The following NIN variants were observed in gnomAD, a reference collection of about 807,000 sequenced individuals.
NIN encodes the protein ninein.
A neutral mutation model predicts 257.6 loss-of-function variants in NIN; 137 were observed. The ratio of observed to expected loss-of-function variants is 0.53; its 90% CI spans 0.46 to 0.61. The LOEUF (loss-of-function observed/expected upper bound fraction) is 0.61, where lower values mean the gene tolerates loss of function less well. NIN is among the 20% of genes least tolerant of loss of function. NIN has a pLI of 0.00. For synonymous variants in NIN, 918 were observed against 919.8 expected (o/e 1.00, Z 0.04); for missense variants, 2,439 against 2,501.2 (o/e 0.98, Z 0.53).
At chr14:50,749,545 G>A (rs1397015497) in intron 21 of NIN, among the ~76,000 whole-genome samples, 1 of 152,082 alleles carries the variant, frequency 6.6e-6, no homozygotes, top group East Asian at 1.9e-4. Flanking sequence ...ATCTATCAGT[G>A]CATTTTGTCT....
chr14:50,813,386 C>T (rs560700681), intron 3 of NIN, among the ~76,000 whole-genome samples: 54 of 152,270 alleles, frequency 3.5e-4, no homozygotes, highest in African/African-American at 8.9e-4. Context: ...TATGCCTCAA[C>T]GGGCAGTTTG....
intron 24 of NIN, chr14:50,741,950 G>A (rs867813701): frequency 2.1e-6 from 1 of 465,318 alleles, no homozygotes; most frequent in South Asian, 4.5e-5. Context: ...CTGGAGCAAG[G>A]TATTGCTGAT....
intron 2 of NIN, among the ~76,000 whole-genome samples, chr14:50,824,197 C>T (rs143424482): frequency 3.9e-5 from 6 of 152,190 alleles, no homozygotes; most frequent in East Asian, 3.9e-4. Flanking sequence ...TTTTAAGGGG[C>T]GGGGATTTGT....
chr14:50,762,193 G>C (rs1247425203), intron 15 of NIN, among the ~76,000 whole-genome samples: 1 of 152,122 alleles, frequency 6.6e-6, no homozygotes, highest in Non-Finnish European at 1.5e-5. Context: ...GGGGCGGCGG[G>C]GGTGGAAATT....
At position 50,758,540 on chromosome 14, in the gene NIN, T is replaced by G; in HGVS notation, c.2490A>C (p.Glu830Asp). ...SDCQKVTERCESALQSLEGRY... is the reference protein window; with the variant it reads ...SDCQKVTERCDSALQSLEGRY... ...GCCCCTCCAGGCTTTGCAGAGCGCT[T>G]TCACACCTCTCAGTGACTTTCTGAC... Residue 830 changes from glutamate to aspartate, a missense_variant, in exon 18 of 31, where the codon GAA becomes GAC. This residue lies in a region of NIN where 2,043 missense variants were observed against 2,050.2 expected (regional missense o/e 1.00). Transcript: ENST00000530997. The G allele has an allele frequency of 6.2e-7, 1 of 1,614,020 alleles. No homozygotes were observed. Among genetic ancestry groups the G allele is most frequent in the Non-Finnish European group, 8.5e-7 (1 of 1,179,944 alleles).
chr14:50,758,070 A>C lies in NIN; in HGVS notation c.2960T>G (p.Leu987Arg). 6.2e-7 allele frequency: 1 copy of C among 1,614,150 alleles called. No individual in the cohort carries two copies. Among genetic ancestry groups the C allele is most frequent in the Non-Finnish European group, 8.5e-7 (1 of 1,180,028 alleles). ...TTTGTGAATGTTCTCCATGGCTAGA[A>C]GCTTGGACATCATTTCCTGCCTTTC... ...DQERQEMMSK[L>R]LAMENIHKAT... The change falls in exon 18 of 31, where the codon CTT (leucine) becomes CGT (arginine). Residue 987 changes from leucine (L) to arginine (R), a missense_variant. Leu to Arg is a moderately radical substitution (Grantham distance 102). Coordinates refer to ENST00000530997, the MANE Select transcript of NIN (RefSeq NM_020921.4).
In NIN at chr14:50,739,332, G is replaced by A. The variant is rs912520445; in HGVS notation, c.5604C>T (p.Ala1868=). The A allele has an allele frequency of 5.6e-6, 9 of 1,613,940 alleles. No homozygotes were observed. The highest frequency in any genetic ancestry group is 2.7e-5 in the African/African-American group (2 of 74,898). ...RLQTMVQNTK[A]ELTHSREKVR... is the part of the protein sequence containing the mutation. ...CCTTCTCCCGGGAGTGCGTGAGTTCGGCTTTGGTGTTCTGTACCATGGTCT... is the reference window on the plus strand; with the variant it reads ...CCTTCTCCCGGGAGTGCGTGAGTTCAGCTTTGGTGTTCTGTACCATGGTCT... The change falls in exon 26 of 31, where the codon GCC becomes GCT. Residue 1868 remains alanine (A), a synonymous_variant. Coordinates refer to ENST00000530997, the MANE Select transcript of NIN (RefSeq NM_020921.4).
intron 4 of NIN, among the ~76,000 whole-genome samples, chr14:50,797,516 T>G (rs913841787): frequency 1.3e-5 from 2 of 152,142 alleles, no homozygotes; most frequent in Non-Finnish European, 2.9e-5. Context: ...ATGAAGCATG[T>G]GCAAACCTCA....
intron 28 of NIN, chr14:50,731,080 T>C: frequency 2.2e-6 from 1 of 456,746 alleles, no homozygotes. Flanking sequence ...ACAGTACTAA[T>C]TAGGTCTATT....
chr14:50,794,884 C>G (rs563652231), intron 4 of NIN, among the ~76,000 whole-genome samples: 1 of 152,098 alleles, frequency 6.6e-6, no homozygotes, highest in Admixed American at 6.5e-5. Flanking sequence ...CACTACCCCA[C>G]GTAGTGCATA....
chr14:50,762,617 T>C (rs768280740), intron 15 of NIN, among the ~76,000 whole-genome samples: 2 of 152,216 alleles, frequency 1.3e-5, no homozygotes. Flanking sequence ...AACTCATGCA[T>C]GAGCTCATCT....
intron 4 of NIN, among the ~76,000 whole-genome samples, chr14:50,795,010 A>G (rs186928268): frequency 2.4e-4 from 36 of 152,330 alleles, no homozygotes; most frequent in Non-Finnish European, 4.6e-4. Context: ...TTATTTTTGC[A>G]TTGCCAGGCA....
At chr14:50,787,256 G>A (rs1285693956) in intron 5 of NIN, among the ~76,000 whole-genome samples, 2 of 152,216 alleles carry the variant, frequency 1.3e-5, no homozygotes, top group Non-Finnish European at 1.5e-5. Flanking sequence ...AACCAGGGCA[G>A]AAAGCAAAGT....
At chr14:50,726,661 C>T (rs1007636246) in intron 29 of NIN, among the ~76,000 whole-genome samples, 10 of 152,164 alleles carry the variant, frequency 6.6e-5, no homozygotes, top group African/African-American at 9.7e-5. Context: ...GATGGGTTTA[C>T]TATCAGAGCA....
Position 50,760,191 on chromosome 14 carries a change from C to T in NIN, c.2065G>A (p.Ala689Thr). 1 of 1,614,034 alleles carries T rather than the reference C, an allele frequency of 6.2e-7. No homozygotes were observed. The highest frequency in any genetic ancestry group is 8.5e-7 in the Non-Finnish European group (1 of 1,180,040). Residue 689 changes from alanine to threonine, a missense_variant, in exon 17 of 31, where the codon GCA (alanine) becomes ACA (threonine). Physicochemically the swap from Ala to Thr is moderately conservative, Grantham distance 58. Transcript: ENST00000530997. Reference protein sequence around the residue: ...LQGQAAVLKEAHHEATCRHEE... With the variant: ...LQGQAAVLKETHHEATCRHEE... Reference sequence around the variant, plus strand: ...TGCCTGCAAGTGGCCTCATGATGTGCCTCCTTGAGCACTGCTGCTTGCCCC... The same window carrying T: ...TGCCTGCAAGTGGCCTCATGATGTGTCTCCTTGAGCACTGCTGCTTGCCCC...
intron 22 of NIN, among the ~76,000 whole-genome samples, chr14:50,747,334 A>G (rs956373138): frequency 6.6e-6 from 1 of 152,210 alleles, no homozygotes; most frequent in Non-Finnish European, 1.5e-5. Context: ...TATAAGCAAG[A>G]TAGTCCCCCT....
At chr14:50,806,051 T>A (rs560698805) in intron 4 of NIN, 22 of 152,350 alleles carry the variant, frequency 1.4e-4, no homozygotes, top group Admixed American at 3.9e-4. Context: ...GAAATGAGAA[T>A]TTACAATTAA....
At chr14:50,774,909 C>G (rs1316130938) in intron 7 of NIN, among the ~76,000 whole-genome samples, 1 of 152,204 alleles carries the variant, frequency 6.6e-6, no homozygotes, top group African/African-American at 2.4e-5. Context: ...ACGCTCTACA[C>G]TTTGAGCAGG....
chr14:50,810,746 C>T (rs184692553), intron 3 of NIN, among the ~76,000 whole-genome samples: 1,925 of 152,106 alleles, frequency 0.013, 49 homozygotes, highest in African/African-American at 0.044. Context: ...CCGCAAGCTC[C>T]GCCTCCTGGG....
Sources: allele counts gnomAD v4.1 joint callset (sites outside exome capture counted in the v4.1 genomes callset), GRCh38; gene constraint gnomAD v4.1.1; regional missense constraint gnomAD v4.1.1; transcripts MANE v1.5; gene names NCBI Gene and HGNC (gene_info 2026-07-23, HGNC 2026-07-21).